The following ITGB2 variants were observed in gnomAD, a reference collection of about 807,000 sequenced individuals.
ITGB2 encodes the protein integrin subunit beta 2.
A neutral mutation model predicts 86.8 loss-of-function variants in ITGB2; 56 were observed. That is an observed-to-expected ratio of 0.65 (90% CI 0.52 to 0.81). The LOEUF (loss-of-function observed/expected upper bound fraction) is 0.81, where lower values mean the gene tolerates loss of function less well. ITGB2 is among the 30% of genes least tolerant of loss of function. The pLI, the probability that ITGB2 is intolerant of heterozygous loss-of-function variation, is 0.00. For synonymous variants in ITGB2, 457 were observed against 450.4 expected, an observed-to-expected ratio of 1.01 and a Z score of -0.19; for missense variants, 948 against 1,061.2, an observed-to-expected ratio of 0.89 and a Z score of 1.48.
At chr21:44,902,355 A>G (rs550309609) in intron 5 of ITGB2, among the ~76,000 whole-genome samples, 2 of 152,156 alleles carry the variant, frequency 1.3e-5, no homozygotes, top group Non-Finnish European at 2.9e-5. Context: ...GTGTGTGAGC[A>G]TGCATTTGTG....
Position 44,895,126 on chromosome 21 carries a change from G to A in ITGB2, c.994-66C>T, listed in dbSNP as rs541586331. ...GTGCCACGGCATCTCCACGCACTGG[G>A]CTCACCCCAGGGGCTTCTGCACCTG... On this transcript the variant is annotated intron_variant, in intron 8 of 15. Transcript: ENST00000652462. 1.0e-4 allele frequency: 120 copies of A among 1,195,058 alleles called. 4 individuals are homozygous for A. In the South Asian group the frequency reaches 1.3e-3, roughly 13 times the overall value. The allele number at this position is 1,195,058 out of a possible 1,614,324, so 74.0% of individuals were successfully genotyped here. A position where few individuals can be genotyped will look rare whatever the true frequency, so the allele number is the denominator to read the frequency against.
chr21:44,919,117 G>A (rs1047495820), intron 1 of ITGB2, among the ~76,000 whole-genome samples: 13 of 152,004 alleles, frequency 8.6e-5, no homozygotes, highest in South Asian at 4.1e-4. Context: ...CCCACAGCCC[G>A]CCCGGTCACC....
intron 1 of ITGB2, chr21:44,927,051 C>CT (rs1488494546): frequency 2.0e-5 from 3 of 152,372 alleles, no homozygotes; most frequent in African/African-American, 7.2e-5. Flanking sequence ...GGCTGCTCTC[C>CT]TGCCCTCCCA....
upstream of ITGB2, among the ~76,000 whole-genome samples, chr21:44,925,073 T>C (rs961734544): frequency 1.3e-5 from 2 of 151,968 alleles, no homozygotes; most frequent in South Asian, 2.1e-4. Context: ...AGATGAGAGG[T>C]AGCTGTTTGG....
intron 15 of ITGB2, 120 bp downstream of exon 15, chr21:44,886,616 C>A (rs2083702107): frequency 6.7e-7 from 1 of 1,499,630 alleles, no homozygotes; most frequent in Non-Finnish European, 9.3e-7. Flanking sequence ...AGAGGACAAG[C>A]TGCCTGGGGA....
intron 1 of ITGB2, among the ~76,000 whole-genome samples, chr21:44,918,935 A>AGCATCCCCTCTCCCAGCACTTGGAGCTG (rs1601334608): frequency 8.9e-6 from 1 of 111,810 alleles, no homozygotes; most frequent in African/African-American, 4.0e-5. Context: ...TTGGGTGGCT[A>AGCATCCCCTCTCCCAGCACTTGGAGCTG]AGCGTCCCCT....
Position 44,899,172 on chromosome 21 carries a change from G to A in ITGB2, c.898-10C>T, listed in dbSNP as rs779504886. The A allele has an allele frequency of 6.8e-6, 11 of 1,608,456 alleles. No homozygotes were observed. The highest frequency in any genetic ancestry group is 2.2e-5 in the East Asian group (1 of 44,836). On this transcript the variant is annotated splice_polypyrimidine_tract_variant and intron_variant, in intron 7 of 15. Transcript: ENST00000652462. The stretch of plus-strand genomic sequence containing the variant: ...CCACCGATGGGTAGTCCTGGAGAGA[G>A]GAGGTCCTGCTCAGTTGGCCCCGAG...
chr21:44,905,571 C>T (rs572638390), intron 4 of ITGB2, among the ~76,000 whole-genome samples: 3 of 152,316 alleles, frequency 2.0e-5, no homozygotes, highest in South Asian at 4.1e-4. Context: ...TGAAGTGGGG[C>T]GTGGGGAAAA....
At chr21:44,899,191 C>A in intron 7 of ITGB2, 29 bp from the exon 8 acceptor site, 1 of 1,556,260 alleles carries the variant, frequency 6.4e-7, no homozygotes, top group South Asian at 1.1e-5. Flanking sequence ...GCTCAGTTGG[C>A]CCCGAGTCCA....
chr21:44,887,650 C>T (rs910532902), intron 14 of ITGB2, among the ~76,000 whole-genome samples: 12 of 152,206 alleles, frequency 7.9e-5, no homozygotes, highest in African/African-American at 1.2e-4. Flanking sequence ...CCCCTCCTGC[C>T]ATCCTGCCTT....
chr21:44,919,147 G>GC (rs1188700650), intron 1 of ITGB2, among the ~76,000 whole-genome samples: 1 of 152,118 alleles, frequency 6.6e-6, no homozygotes, highest in Admixed American at 6.5e-5. Context: ...GAGGGCCACA[G>GC]CCCCCCCGGG....
At chr21:44,920,772 C>G (rs2084292132) in intron 1 of ITGB2, 49 bp downstream of exon 1, 1 of 152,428 alleles carries the variant, frequency 6.6e-6, no homozygotes, top group African/African-American at 2.4e-5. Context: ...CAGGAGAGTG[C>G]TTCCCTCCAA....
chr21:44,921,515 G>C (rs1601340354), upstream of ITGB2, among the ~76,000 whole-genome samples: 1 of 151,954 alleles, frequency 6.6e-6, no homozygotes, highest in African/African-American at 2.4e-5. Flanking sequence ...ATGAGGTCCT[G>C]TTAACTAGGG....
chr21:44,921,772 A>C (rs2084309300), upstream of ITGB2, among the ~76,000 whole-genome samples: 1 of 152,112 alleles, frequency 6.6e-6, no homozygotes, highest in South Asian at 2.1e-4. Flanking sequence ...CCCAGGCTGG[A>C]GTGCAGTGGC....
At chr21:44,888,528 G>A (rs2083731634) in intron 14 of ITGB2, among the ~76,000 whole-genome samples, 165 bp downstream of exon 14, 1 of 152,220 alleles carries the variant, frequency 6.6e-6, no homozygotes, top group Admixed American at 6.5e-5. Context: ...GAGGGGACCG[G>A]CCTCTGGCCT....
chr21:44,895,864 A>ATGAAG (rs1490360208), intron 8 of ITGB2, among the ~76,000 whole-genome samples: 1 of 137,810 alleles, frequency 7.3e-6, no homozygotes, highest in African/African-American at 3.2e-5. Flanking sequence ...ATGAAATGAA[A>ATGAAG]TGAAATGAAA....
At chr21:44,891,437 A>G (rs954883073) in intron 11 of ITGB2, among the ~76,000 whole-genome samples, 11 of 152,188 alleles carry the variant, frequency 7.2e-5, no homozygotes, top group Non-Finnish European at 1.3e-4. Context: ...GGTCGGGCAG[A>G]GAAAGTGACC....
intron 4 of ITGB2, 42 bp from the exon 5 acceptor site, chr21:44,903,577 TCA>T (rs1264213287): frequency 1.2e-6 from 2 of 1,611,464 alleles, no homozygotes; most frequent in African/African-American, 2.7e-5. Flanking sequence ...ACCTCACATC[TCA>T]CACAGGGTGT....
At chr21:44,908,592 C>T (rs1263562006) in intron 3 of ITGB2, among the ~76,000 whole-genome samples, 2 of 152,178 alleles carry the variant, frequency 1.3e-5, no homozygotes, top group Non-Finnish European at 2.9e-5. Flanking sequence ...GTTGTAAGCC[C>T]TTAAAAGGGC....
Sources: allele counts gnomAD v4.1 joint callset (sites outside exome capture counted in the v4.1 genomes callset), GRCh38; gene constraint gnomAD v4.1.1; transcripts MANE v1.5; gene names NCBI Gene and HGNC (gene_info 2026-07-23, HGNC 2026-07-21).